The following PIP5K1B variants were observed in gnomAD, a reference collection of about 807,000 sequenced individuals.
PIP5K1B encodes phosphatidylinositol 4-phosphate 5-kinase type-1 beta.
In PIP5K1B, 42 loss-of-function variants were observed where a neutral mutation model predicts 67.0. That is an observed-to-expected ratio of 0.63 (90% confidence interval 0.49 to 0.81). The LOEUF is 0.81. PIP5K1B is among the 30% of genes least tolerant of loss of function. The pLI is 0.00. For missense variants in PIP5K1B, 459 were observed against 646.3 expected, an observed-to-expected ratio of 0.71 and a Z score of 3.14; for synonymous variants, 214 against 231.4, an observed-to-expected ratio of 0.92 and a Z score of 0.68.
chr9:68,838,788 T>G (rs80340859), intron 4 of PIP5K1B, among the ~76,000 whole-genome samples: 2,519 of 152,298 alleles, frequency 0.017, 58 homozygotes, highest in East Asian at 0.11. Flanking sequence ...ACTAAAATCT[T>G]TATTGAATAT....
At chr9:68,727,366 C>A (rs1828203139) in intron 1 of PIP5K1B, among the ~76,000 whole-genome samples, 1 of 152,118 alleles carries the variant, frequency 6.6e-6, no homozygotes, top group African/African-American at 2.4e-5. Context: ...TTGCCTTGCA[C>A]ATACGTTTCC....
chr9:68,716,050 T>C (rs1827619843), intron 1 of PIP5K1B, among the ~76,000 whole-genome samples: 1 of 152,238 alleles, frequency 6.6e-6, no homozygotes, highest in Admixed American at 6.5e-5. Flanking sequence ...TTTGTACCTC[T>C]GAATTTGGAC....
At chr9:68,968,497 C>G (rs1829157017) in intron 14 of PIP5K1B, among the ~76,000 whole-genome samples, 1 of 81,982 alleles carries the variant, frequency 1.2e-5, no homozygotes, top group East Asian at 4.2e-4. Context: ...GAGCAAGACT[C>G]TGTCTCAAAA....
chr9:68,966,068 G>T (rs532816345), intron 14 of PIP5K1B, among the ~76,000 whole-genome samples: 32 of 151,312 alleles, frequency 2.1e-4, no homozygotes, highest in African/African-American at 7.0e-4. Context: ...GCTCTCAATA[G>T]CTAAAATTGG....
intron 4 of PIP5K1B, among the ~76,000 whole-genome samples, chr9:68,852,219 C>CTTTACTT (rs1392687566): frequency 1.3e-5 from 2 of 151,646 alleles, no homozygotes; most frequent in Non-Finnish European, 2.9e-5. Context: ...TCCTAGAACT[C>CTTTACTT]AAAGTAAAAT....
rs113401385 is a variant in PIP5K1B at position 68,809,438 on chromosome 9, G to A, written c.-85-9023G>A. Among the ~76,000 whole-genome samples, 7 of 152,196 alleles carry A rather than the reference G, an allele frequency of 4.6e-5. 1 individual carries two copies. Among genetic ancestry groups the A allele is most frequent in the African/African-American group, 1.4e-4 (6 of 41,548 alleles). On this transcript the variant is annotated intron_variant, in intron 2 of 15. Coordinates refer to ENST00000265382, the MANE Select transcript of PIP5K1B (RefSeq NM_003558.4). ...CGTTTTCCTAAGAATAGCTCCCTAG[G>A]TTTTCATGAATCCATATAAATTTCC...
chr9:68,991,299 T>G, intron 15 of PIP5K1B, 42 bp downstream of exon 15: 1 of 1,039,186 alleles, frequency 9.6e-7, no homozygotes, highest in African/African-American at 1.6e-5. Context: ...TTCTGGTTTG[T>G]AAATGGATCC....
In PIP5K1B at chr9:68,764,998, G is replaced by A. The variant is rs532728567; in HGVS notation, c.-86+22341G>A. On this transcript the variant is annotated intron_variant, in intron 2 of 15. Coordinates refer to ENST00000265382, the MANE Select transcript of PIP5K1B (RefSeq NM_003558.4). ...CCCTGCCTTTTAGAACATGCATTCT[G>A]AATATTGTTTTAAAGCATTTCAACA... Among the ~76,000 whole-genome samples, 3 of 152,182 alleles carry A rather than the reference G, an allele frequency of 2.0e-5. No individual in the cohort carries two copies. The South Asian group carries it at 6.2e-4, about 31-fold the overall frequency.
At chr9:68,795,034 G>C (rs1169474300) in intron 2 of PIP5K1B, among the ~76,000 whole-genome samples, 1 of 152,204 alleles carries the variant, frequency 6.6e-6, no homozygotes, top group Non-Finnish European at 1.5e-5. Context: ...CAAGACGTCA[G>C]TTAAGTGCCG....
chr9:68,983,722 G>A (rs1829986301), intron 14 of PIP5K1B, among the ~76,000 whole-genome samples: 1 of 152,132 alleles, frequency 6.6e-6, no homozygotes, highest in Non-Finnish European at 1.5e-5. Context: ...TGCAAATTGT[G>A]TGCAATTAGC....
intron 14 of PIP5K1B, among the ~76,000 whole-genome samples, chr9:68,960,998 C>T (rs1828702894): frequency 6.6e-6 from 1 of 152,062 alleles, no homozygotes; most frequent in African/African-American, 2.4e-5. Context: ...ATCATGAGGT[C>T]AGGAGATCGA....
chr9:68,823,375 A>G (rs1833826300), intron 4 of PIP5K1B, among the ~76,000 whole-genome samples: 1 of 152,182 alleles, frequency 6.6e-6, no homozygotes, highest in South Asian at 2.1e-4. Context: ...TGTTCTGTGT[A>G]TAATATATGA....
intron 15 of PIP5K1B, among the ~76,000 whole-genome samples, chr9:69,001,296 C>T (rs76379163): frequency 5.5e-4 from 84 of 152,130 alleles, no homozygotes; most frequent in African/African-American, 2.0e-3. Flanking sequence ...AAGCCAGTGG[C>T]GTTGTCCTCA....
At chr9:68,822,510 CAAA>C in intron 3 of PIP5K1B, 102 bp from the exon 4 acceptor site, 1 of 820,014 alleles carries the variant, frequency 1.2e-6, no homozygotes, top group Non-Finnish European at 1.9e-6. Context: ...ATAGCAATAA[CAAA>C]AACATACTTA....
intron 8 of PIP5K1B, among the ~76,000 whole-genome samples, chr9:68,897,803 G>A (rs1037970200): frequency 7.3e-5 from 11 of 151,536 alleles, no homozygotes; most frequent in African/African-American, 2.4e-4. Context: ...GCTTCTTGGC[G>A]CCCCCACCTC....
chr9:68,772,534 C>A (rs1830717216), intron 2 of PIP5K1B, among the ~76,000 whole-genome samples: 1 of 152,170 alleles, frequency 6.6e-6, no homozygotes, highest in Non-Finnish European at 1.5e-5. Flanking sequence ...TGGCTTGCTG[C>A]AGGGAATAGT....
At chr9:69,002,755 G>T (rs1326794591) in intron 15 of PIP5K1B, among the ~76,000 whole-genome samples, 1 of 152,058 alleles carries the variant, frequency 6.6e-6, no homozygotes, top group African/African-American at 2.4e-5. Context: ...GGCCGAGAGG[G>T]GCCCATCACT....
chr9:68,728,370 A>G (rs1047290624), intron 1 of PIP5K1B, among the ~76,000 whole-genome samples: 1 of 152,024 alleles, frequency 6.6e-6, no homozygotes, highest in South Asian at 2.1e-4. Flanking sequence ...TGAGCTCTCT[A>G]TGTCTCTTTT....
chr9:68,871,274 A>G (rs1258000103), intron 5 of PIP5K1B, among the ~76,000 whole-genome samples: 1 of 152,070 alleles, frequency 6.6e-6, no homozygotes, highest in Non-Finnish European at 1.5e-5. Flanking sequence ...TAACAGAGGA[A>G]CGTCAAGTCT....
Sources: gnomAD v4.1 joint callset for allele counts (sites outside exome capture counted in the v4.1 genomes callset) on GRCh38, gnomAD v4.1.1 for gene constraint, MANE v1.5 for transcripts, NCBI Gene and HGNC (gene_info 2026-07-23, HGNC 2026-07-21) for gene names.